The following LRP8 variants were observed in gnomAD, a reference collection of about 807,000 sequenced individuals.
LRP8 encodes the protein low-density lipoprotein receptor-related protein 8.
A neutral mutation model predicts 111.6 loss-of-function variants in LRP8; 46 were observed. That is an observed-to-expected ratio of 0.41 (90% CI 0.33 to 0.53). The LOEUF (loss-of-function observed/expected upper bound fraction) is 0.53. LRP8 is among the 20% of genes least tolerant of loss of function. LRP8 has a pLI of 0.20. For synonymous variants in LRP8, 464 were observed against 511.2 expected, an observed-to-expected ratio of 0.91 and a Z score of 1.24; for missense variants, 959 against 1,297.4, an observed-to-expected ratio of 0.74 and a Z score of 4.01.
At chr1:53,258,527 G>C in intron 13 of LRP8, 56 bp from the exon 14 acceptor site, 1 of 1,537,282 alleles carries the variant, frequency 6.5e-7, no homozygotes, top group Admixed American at 1.7e-5. Context: ...AGGTCTTCCT[G>C]CCTCCTGAGG....
At chr1:53,300,744 G>A (rs1041191313) in intron 2 of LRP8, among the ~76,000 whole-genome samples, 2 of 152,184 alleles carry the variant, frequency 1.3e-5, no homozygotes, top group Non-Finnish European at 2.9e-5. Flanking sequence ...CTGGGCCCTC[G>A]GTGTGAGAAA....
intron 1 of LRP8, 41 bp from the exon 2 acceptor site, chr1:53,327,033 G>GCC: frequency 6.2e-7 from 1 of 1,605,792 alleles, no homozygotes; most frequent in Non-Finnish European, 8.5e-7. Flanking sequence ...AGCGGACTCG[G>GCC]CCCCACTCCC....
In LRP8 at chr1:53,247,022, G is replaced by C; in HGVS notation, c.2888C>G (p.Pro963Arg). 3.7e-6 allele frequency: 6 copies of C among 1,605,100 alleles called. No homozygotes were observed. The highest frequency in any genetic ancestry group is 5.1e-6 in the Non-Finnish European group (6 of 1,176,506). Residue 963 changes from proline (P) to arginine (R), a missense_variant, in exon 19 of 19, where the codon CCC becomes CGC. Pro to Arg is a moderately radical substitution (Grantham distance 103). This residue lies in a region of LRP8 where 819 missense variants were observed against 1,097.6 expected (regional missense o/e 0.75). Transcript: ENST00000306052. ...ACGAAGGGGGTGATCCCATCCTCAG[G>C]GTAGTCCATCATCTTCAAGGCTTAA... Reference protein sequence around the residue: ...VALSLEDDGLP With the variant: ...VALSLEDDGLR
In LRP8 at chr1:53,295,842, A is replaced by G. The variant is rs749704950; in HGVS notation, c.245-6153T>C. Among the ~76,000 whole-genome samples the G allele has an allele frequency of 1.6e-4, 25 of 152,294 alleles. No individual in the cohort carries two copies. The South Asian group carries it at 3.5e-3, about 21-fold the overall frequency. ...TTATTTCCCAAGAAACAAGTGGTCCAATGAACCACACCTAGGAAAACACTG... is the reference window on the plus strand; with the variant it reads ...TTATTTCCCAAGAAACAAGTGGTCCGATGAACCACACCTAGGAAAACACTG... On this transcript the variant is annotated intron_variant, in intron 2 of 18. Coordinates refer to ENST00000306052, the MANE Select transcript of LRP8 (RefSeq NM_004631.5).
At chr1:53,261,122 C>T (rs918644039) in intron 12 of LRP8, among the ~76,000 whole-genome samples, 51 of 152,204 alleles carry the variant, frequency 3.4e-4, no homozygotes, top group African/African-American at 1.2e-3. Flanking sequence ...CCCAAATGTT[C>T]ATCCACACAC....
chr1:53,262,043 C>T lies in LRP8; in HGVS notation c.1914+25G>A, dbSNP rs1393841453. On this transcript the variant is annotated intron_variant, in intron 12 of 18. Coordinates refer to ENST00000306052, the MANE Select transcript of LRP8 (RefSeq NM_004631.5). The surrounding 1 kb of genome is among the most constrained non-coding windows in gnomAD (Gnocchi z 4.8). ...TCTAGGCTTCAGCTTCCTAGTGGGC[C>T]CTTGCCTCTCCTTACAGGACTCACC... is the stretch of plus-strand genomic sequence containing the variant. The T allele has an allele frequency of 1.2e-6, 2 of 1,612,204 alleles. No individual in the cohort carries two copies. Among genetic ancestry groups the T allele is most frequent in the East Asian group, 2.2e-5 (1 of 44,830 alleles).
At chr1:53,288,668 G>T (rs1648043270) in intron 3 of LRP8, among the ~76,000 whole-genome samples, 1 of 152,084 alleles carries the variant, frequency 6.6e-6, no homozygotes, top group Non-Finnish European at 1.5e-5. Flanking sequence ...CTCTGCCTCT[G>T]GGACGACTGT....
intron 13 of LRP8, among the ~76,000 whole-genome samples, chr1:53,258,991 T>C (rs1363559216): frequency 1.3e-5 from 2 of 152,260 alleles, no homozygotes; most frequent in Non-Finnish European, 2.9e-5. Flanking sequence ...TTCCTTTTTA[T>C]GGCTGAGTAG....
At chr1:53,287,528 C>T (rs1428896359) in intron 3 of LRP8, among the ~76,000 whole-genome samples, 3 of 152,132 alleles carry the variant, frequency 2.0e-5, no homozygotes, top group Non-Finnish European at 1.5e-5. Context: ...CTGGAAGAGC[C>T]CACAGGAGAG....
At chr1:53,259,621 G>T (rs918948318) in intron 13 of LRP8, among the ~76,000 whole-genome samples, 1 of 150,402 alleles carries the variant, frequency 6.6e-6, no homozygotes, top group Non-Finnish European at 1.5e-5. Context: ...TTGCTCTGTC[G>T]CCCAGGCTGG....
intron 2 of LRP8, among the ~76,000 whole-genome samples, chr1:53,320,261 C>T (rs535589226): frequency 3.9e-5 from 6 of 152,322 alleles, no homozygotes; most frequent in Admixed American, 2.0e-4. Flanking sequence ...CAAAGCCCTT[C>T]GGTACTGCAA....
Position 53,309,353 on chromosome 1 carries a change from T to C in LRP8, c.244+17520A>G, listed in dbSNP as rs75561724. ...CCACTCCCCATAAGCATAAGCGTCA[T>C]TGATGATAGTGCGTGGGGCTCATCA... On this transcript the variant is annotated intron_variant, in intron 2 of 18. Transcript: ENST00000306052. 4.2e-3 allele frequency among the ~76,000 whole-genome samples: 646 copies of C among 152,350 alleles called. 9 individuals carry two copies. Among genetic ancestry groups the C allele is most frequent in the African/African-American group, 0.015 (616 of 41,588 alleles).
chr1:53,287,108 A>G (rs1244446083), intron 3 of LRP8, among the ~76,000 whole-genome samples: 2 of 152,222 alleles, frequency 1.3e-5, no homozygotes, highest in African/African-American at 4.8e-5. Context: ...ATGGGGCTCC[A>G]TCCTGGGAGC....
Position 53,262,265 on chromosome 1 carries a change from C to T in LRP8, c.1775-58G>A. ...TGGGACCCCAGTCTGGAGCTCTGTT[C>T]CTTTGTACCTCTCCCTGCCCACATT... On this transcript the variant is annotated intron_variant, in intron 11 of 18. Coordinates refer to ENST00000306052, the MANE Select transcript of LRP8 (RefSeq NM_004631.5). The surrounding 1 kb of genome is among the most constrained non-coding windows in gnomAD (Gnocchi z 4.8). 6.2e-7 allele frequency: 1 copy of T among 1,601,686 alleles called. No individual in the cohort carries two copies. The highest frequency in any genetic ancestry group is 8.5e-7 in the Non-Finnish European group (1 of 1,172,780).
intron 14 of LRP8, 47 bp from the exon 15 acceptor site, chr1:53,257,511 G>T (rs374786792): frequency 1.3e-6 from 2 of 1,488,108 alleles, no homozygotes; most frequent in Non-Finnish European, 1.9e-6. Context: ...TAATTTTGTT[G>T]CCTAAGGTAT....
intron 16 of LRP8, among the ~76,000 whole-genome samples, chr1:53,253,905 C>T (rs1041891335): frequency 6.6e-5 from 10 of 152,204 alleles, no homozygotes; most frequent in African/African-American, 2.2e-4. Context: ...TTAACATCTA[C>T]CTTAAAGGAC....
intron 2 of LRP8, among the ~76,000 whole-genome samples, chr1:53,297,555 C>T (rs1649989489): frequency 6.6e-6 from 1 of 152,220 alleles, no homozygotes; most frequent in African/African-American, 2.4e-5. Context: ...CTCTCCCCCA[C>T]CTTCCCATCC....
At chr1:53,258,740 A>G (rs1001665285) in intron 13 of LRP8, among the ~76,000 whole-genome samples, 2 of 145,430 alleles carry the variant, frequency 1.4e-5, no homozygotes, top group Non-Finnish European at 3.0e-5. Flanking sequence ...CCTAATGTGT[A>G]ATTTTTTTTT....
At chr1:53,284,552 C>T (rs1299184995) in intron 3 of LRP8, among the ~76,000 whole-genome samples, 2 of 152,178 alleles carry the variant, frequency 1.3e-5, no homozygotes, top group Admixed American at 6.5e-5. Flanking sequence ...CTTGGCTGTA[C>T]GCTCCACCTC....
Sources: allele counts gnomAD v4.1 joint callset (sites outside exome capture counted in the v4.1 genomes callset), GRCh38; gene constraint gnomAD v4.1.1; regional missense constraint gnomAD v4.1.1; non-coding constraint Gnocchi (gnomAD v3.1); transcripts MANE v1.5; gene names NCBI Gene and HGNC (gene_info 2026-07-23, HGNC 2026-07-21).